Variants in SLC1A1 observed in about 807,000 individuals in gnomAD.
The protein encoded by SLC1A1 is solute carrier family 1 member 1, also known as excitatory amino acid transporter 3.
SLC1A1 carries 43 observed loss-of-function variants against 53.3 expected under a neutral mutation model. That is an observed-to-expected ratio of 0.81 (90% CI 0.63 to 1.04). SLC1A1 has a LOEUF of 1.04. Among genes scored for constraint, SLC1A1 ranks in the 50% least tolerant of loss-of-function variants. The pLI is 0.00. For missense variants in SLC1A1, 748 were observed against 664.9 expected, an observed-to-expected ratio of 1.12 and a Z score of -1.37; for synonymous variants, 307 against 243.2, an observed-to-expected ratio of 1.26 and a Z score of -2.44.
At chr9:4,500,715 C>T (rs1029463578) in intron 1 of SLC1A1, among the ~76,000 whole-genome samples, 1 of 152,168 alleles carries the variant, frequency 6.6e-6, no homozygotes, top group Non-Finnish European at 1.5e-5. Context: ...CACAGTAACA[C>T]CTCTGTTAAT....
Position 4,575,075 on chromosome 9 carries a change from G to C in SLC1A1, c.876-926G>C, listed in dbSNP as rs576105640. Among the ~76,000 whole-genome samples, 6 of 152,322 alleles carry C rather than the reference G, an allele frequency of 3.9e-5. No individual in the cohort carries two copies. In the East Asian group the frequency reaches 9.6e-4, roughly 24 times the overall value. On this transcript the variant is annotated intron_variant, in intron 8 of 11. Coordinates refer to ENST00000262352, the MANE Select transcript of SLC1A1 (RefSeq NM_004170.6). Reference sequence around the variant, plus strand: ...ATGAGCTGAGCCATTTCATAACCGAGTTCTGCTGGTTTCTATTCTCTTACC... The same window carrying C: ...ATGAGCTGAGCCATTTCATAACCGACTTCTGCTGGTTTCTATTCTCTTACC...
chr9:4,586,229 A>ATG lies in SLC1A1; in HGVS notation c.*673_*674dup, dbSNP rs930165538. ...AGCATAGAGCTATATATATATATAT[A>ATG]TGTATATATTTATTATTTTCATATA... On this transcript the variant is annotated 3_prime_UTR_variant, in exon 12 of 12. Coordinates refer to ENST00000262352, the MANE Select transcript of SLC1A1 (RefSeq NM_004170.6). 1.3e-4 allele frequency: 19 copies of ATG among 150,960 alleles called. No individual in the cohort carries two copies. The highest frequency in any genetic ancestry group is 4.6e-4 in the African/African-American group (19 of 41,206). The allele number at this position is 150,960 out of a possible 1,614,324, so 9.4% of individuals were successfully genotyped here.
In SLC1A1 at chr9:4,576,742, T is replaced by C. The variant is rs750865075; in HGVS notation, c.1172T>C (p.Ile391Thr). The change falls in exon 10 of 12, where the codon ATT becomes ACT. Residue 391 changes from isoleucine to threonine, a missense_variant. Physicochemically the swap from Ile to Thr is moderately conservative, Grantham distance 89. Transcript: ENST00000262352. ...CAGTTGAATGACCTGGACTTGGGCA[T>C]TGGGCAGATCATCACCATCAGGTGG... The part of the protein sequence containing the change: ...IAQLNDLDLG[I>T]GQIITISITA... 5.6e-6 allele frequency: 9 copies of C among 1,614,002 alleles called. No individual in the cohort carries two copies. In the African/African-American group the frequency reaches 6.7e-5, roughly 12 times the overall value.
At chr9:4,536,489 T>G (rs1327746996) in intron 1 of SLC1A1, among the ~76,000 whole-genome samples, 1 of 152,100 alleles carries the variant, frequency 6.6e-6, no homozygotes, top group Non-Finnish European at 1.5e-5. Flanking sequence ...AAAACCACAT[T>G]GAGATACCAT....
chr9:4,564,467 T>A lies in SLC1A1; in HGVS notation c.440+9T>A. On this transcript the variant is annotated intron_variant, in intron 4 of 11. Coordinates refer to ENST00000262352, the MANE Select transcript of SLC1A1 (RefSeq NM_004170.6). ...ATGTTAGATCTCATCAGGTGAGTGT[T>A]TTGCCACAAGGTGGCTTCAAGGGCA... 6.3e-7 allele frequency: 1 copy of A among 1,580,048 alleles called. No homozygotes were observed. The highest frequency in any genetic ancestry group is 2.2e-5 in the East Asian group (1 of 44,652).
At chr9:4,541,468 AT>A (rs1284055666) in intron 1 of SLC1A1, among the ~76,000 whole-genome samples, 1 of 152,236 alleles carries the variant, frequency 6.6e-6, no homozygotes, top group East Asian at 1.9e-4. Flanking sequence ...AGTATTTAAC[AT>A]TCCATCCTAG....
chr9:4,521,078 G>A (rs1208455380), intron 1 of SLC1A1, among the ~76,000 whole-genome samples: 1 of 152,068 alleles, frequency 6.6e-6, no homozygotes. Context: ...CTTCATTGGA[G>A]AAATGTCTAT....
intron 3 of SLC1A1, among the ~76,000 whole-genome samples, chr9:4,562,865 C>T (rs961346179): frequency 2.6e-4 from 39 of 149,860 alleles, no homozygotes; most frequent in African/African-American, 8.8e-4. Context: ...TGAATAATGC[C>T]GCAATAAACA....
chr9:4,512,809 G>A (rs1821042109), intron 1 of SLC1A1, among the ~76,000 whole-genome samples: 1 of 151,914 alleles, frequency 6.6e-6, no homozygotes, highest in African/African-American at 2.4e-5. Context: ...CTGTCTCCCA[G>A]GTTGGAGTGC....
chr9:4,511,596 C>CACACACACACACACT (rs777710176), intron 1 of SLC1A1, among the ~76,000 whole-genome samples: 3 of 151,128 alleles, frequency 2.0e-5, no homozygotes, highest in African/African-American at 7.3e-5. Context: ...CACACACACA[C>CACACACACACACACT]ACACTACACT....
chr9:4,572,263 CTTGA>C lies in SLC1A1; in HGVS notation c.646_649del (p.Ile216SerfsTer27). 1.2e-6 allele frequency: 2 copies of C among 1,614,034 alleles called. No homozygotes were observed. The highest frequency in any genetic ancestry group is 1.7e-6 in the Non-Finnish European group (2 of 1,179,938). ...ATTCAGATGGCATAAACGTCCTGGGCTTGATTGTCTTTTGCCTTGTCTTTGGACT... is the reference window on the plus strand; with the variant it reads ...ATTCAGATGGCATAAACGTCCTGGGCTTGTCTTTTGCCTTGTCTTTGGACT... On this transcript the variant is annotated frameshift_variant, in exon 7 of 12. Coordinates refer to ENST00000262352, the MANE Select transcript of SLC1A1 (RefSeq NM_004170.6). LOFTEE classifies it high-confidence loss of function.
chr9:4,530,244 A>G (rs1327329622), intron 1 of SLC1A1, among the ~76,000 whole-genome samples: 1 of 152,182 alleles, frequency 6.6e-6, no homozygotes, highest in Non-Finnish European at 1.5e-5. Flanking sequence ...CTGATCTCTC[A>G]TGGTGGGCAA....
rs886063977 is a variant in SLC1A1 at position 4,586,932 on chromosome 9, T to C, written c.*1374T>C. ...TTGTCATTCTGCTAATTTATGAAGA[T>C]AGTTTATTATAGTCTGTACTTCAGT... On this transcript the variant is annotated 3_prime_UTR_variant, in exon 12 of 12. Coordinates refer to ENST00000262352, the MANE Select transcript of SLC1A1 (RefSeq NM_004170.6). 6.6e-6 allele frequency: 1 copy of C among 152,626 alleles called. No homozygotes were observed. Among genetic ancestry groups the C allele is most frequent in the African/African-American group, 2.4e-5 (1 of 41,454 alleles). The allele number at this position is 152,626 out of a possible 1,614,324, so 9.5% of individuals were successfully genotyped here.
At chr9:4,505,784 G>A (rs2078130680) in intron 1 of SLC1A1, among the ~76,000 whole-genome samples, 1 of 152,064 alleles carries the variant, frequency 6.6e-6, no homozygotes, top group Non-Finnish European at 1.5e-5. Context: ...AGCCTCCCGA[G>A]TAGCTGGGAT....
chr9:4,494,042 C>T (rs1820326098), intron 1 of SLC1A1, among the ~76,000 whole-genome samples: 1 of 152,190 alleles, frequency 6.6e-6, no homozygotes, highest in Non-Finnish European at 1.5e-5. Flanking sequence ...CTGCGACACC[C>T]TACATGGTCC....
At chr9:4,534,280 T>A (rs1333376092) in intron 1 of SLC1A1, among the ~76,000 whole-genome samples, 2 of 152,164 alleles carry the variant, frequency 1.3e-5, no homozygotes, top group African/African-American at 4.8e-5. Context: ...GAGCTGGTTT[T>A]TTGAAAAGAT....
chr9:4,497,136 T>G (rs112299263), intron 1 of SLC1A1, among the ~76,000 whole-genome samples: 1 of 22,652 alleles, frequency 4.4e-5, no homozygotes, highest in Non-Finnish European at 2.2e-4. Flanking sequence ...AAAACAGAAA[T>G]TTTTTTTTGA....
intron 6 of SLC1A1, 57 bp from the exon 7 acceptor site, chr9:4,572,147 G>A: frequency 2.8e-6 from 4 of 1,452,600 alleles, no homozygotes; most frequent in Non-Finnish European, 3.9e-6. Context: ...CTGGACCTGT[G>A]CTTTCTAACA....
chr9:4,580,600 T>TGG (rs1820979052), intron 10 of SLC1A1, among the ~76,000 whole-genome samples: 1 of 119,116 alleles, frequency 8.4e-6, no homozygotes, highest in African/African-American at 3.2e-5. Flanking sequence ...AAAAAATATA[T>TGG]ATGTGTGTGT....
Sources: gnomAD v4.1 joint callset for allele counts (sites outside exome capture counted in the v4.1 genomes callset) on GRCh38, gnomAD v4.1.1 for gene constraint, MANE v1.5 for transcripts, NCBI Gene and HGNC (gene_info 2026-07-23, HGNC 2026-07-21) for gene names.